Variants in STARD9 observed in about 807,000 individuals in gnomAD.
The protein encoded by STARD9 is StAR related lipid transfer domain containing 9.
Under a neutral mutation model 399.8 loss-of-function variants are expected in STARD9, and 346 were observed. That is an observed-to-expected ratio of 0.87 (90% CI 0.79 to 0.95). The LOEUF is 0.95. Among genes scored for constraint, STARD9 ranks in the 40% least tolerant of loss-of-function variants. The pLI is 0.00. For missense variants in STARD9, 5,832 were observed against 5,667.5 expected, an observed-to-expected ratio of 1.03 and a Z score of -0.93; for synonymous variants, 2,203 against 2,143.5, an observed-to-expected ratio of 1.03 and a Z score of -0.77.
In STARD9 at chr15:42,664,887, C is replaced by G. The variant is rs560229715; in HGVS notation, c.1177-366C>G. Among the ~76,000 whole-genome samples the G allele has an allele frequency of 2.6e-5, 4 of 152,078 alleles. No homozygotes were observed. In the South Asian group the frequency reaches 8.3e-4, roughly 31 times the overall value. On this transcript the variant is annotated intron_variant, in intron 13 of 32. Transcript: ENST00000290607. ...AGGCAGTATAGGCTTAGTCACAATA[C>G]AGGAAGGTTAGTACCTACTACCTAT...
At chr15:42,596,401 G>A (rs1476965302) in intron 3 of STARD9, among the ~76,000 whole-genome samples, 1 of 152,196 alleles carries the variant, frequency 6.6e-6, no homozygotes, top group Non-Finnish European at 1.5e-5. Flanking sequence ...GCTTGAGGAA[G>A]AGAAGTATGA....
At chr15:42,641,499 A>C (rs2059536958) in intron 7 of STARD9, among the ~76,000 whole-genome samples, 1 of 151,086 alleles carries the variant, frequency 6.6e-6, no homozygotes, top group Admixed American at 6.6e-5. Context: ...ATATCTCCTA[A>C]TGCTTTCCCT....
In STARD9 at chr15:42,593,512, G is replaced by A. The variant is rs1595595870; in HGVS notation, c.234+7875G>A. ...TTCTGGAAATCTTTATTTTAAAATG[G>A]TCTGTTATTTAGCTAAAACACTTGT... On this transcript the variant is annotated intron_variant, in intron 3 of 32. Coordinates refer to ENST00000290607, the MANE Select transcript of STARD9 (RefSeq NM_020759.3). Among the ~76,000 whole-genome samples the A allele has an allele frequency of 3.3e-5, 5 of 151,880 alleles. No homozygotes were observed. In the South Asian group the frequency reaches 1.0e-3, roughly 32 times the overall value.
At chr15:42,628,684 A>G (rs868782060) in intron 3 of STARD9, among the ~76,000 whole-genome samples, 1 of 152,076 alleles carries the variant, frequency 6.6e-6, no homozygotes, top group African/African-American at 2.4e-5. Flanking sequence ...TGTTGAAGAG[A>G]CTGTCTTCTC....
chr15:42,663,405 G>A lies in STARD9; in HGVS notation c.993G>A (p.Gln331=). 1 of 1,537,312 alleles carries A rather than the reference G, an allele frequency of 6.5e-7. No individual in the cohort carries two copies. Among genetic ancestry groups the A allele is most frequent in the Non-Finnish European group, 8.7e-7 (1 of 1,146,916 alleles). The stretch of plus-strand genomic sequence containing the variant: ...GTGGAGGGGCACCCTCCCGAAGGCA[G>A]TCTTATATCCCATACCGAGACTCTG... ...TSSGGAPSRR[Q]SYIPYRDSVL... is the part of the protein sequence containing the mutation. Residue 331 remains glutamine, a synonymous_variant, in exon 12 of 33, where the codon CAG becomes CAA. Transcript: ENST00000290607.
At chr15:42,595,663 A>G (rs1047973216) in intron 3 of STARD9, among the ~76,000 whole-genome samples, 11 of 152,208 alleles carry the variant, frequency 7.2e-5, no homozygotes, top group Non-Finnish European at 5.9e-5. Flanking sequence ...GTGGATTCAA[A>G]GCAGCATTTT....
chr15:42,672,365 G>C (rs1022843128), intron 16 of STARD9: 3 of 152,236 alleles, frequency 2.0e-5, no homozygotes, highest in Non-Finnish European at 4.4e-5. Flanking sequence ...TAAAGAGGCA[G>C]GGTGGGCAGT....
intron 3 of STARD9, among the ~76,000 whole-genome samples, chr15:42,601,525 G>A (rs1383253139): frequency 1.0e-4 from 15 of 147,008 alleles, no homozygotes; most frequent in African/African-American, 2.6e-4. Flanking sequence ...GCGGCTGGCC[G>A]GGCGGGGGCT....
In STARD9 at chr15:42,689,766, G is replaced by A; in HGVS notation, c.8188G>A (p.Glu2730Lys). The A allele has an allele frequency of 1.3e-6, 2 of 1,537,636 alleles. No individual in the cohort carries two copies. The highest frequency in any genetic ancestry group is 1.2e-5 in the South Asian group (1 of 84,054). The change falls in exon 23 of 33, where the codon GAG (glutamate) becomes AAG (lysine). Residue 2730 changes from glutamate to lysine, a missense_variant. Physicochemically the swap from Glu to Lys is moderately conservative, Grantham distance 56. Around this residue, in one of 2 missense-constraint regions of STARD9, gnomAD observed 5,828 missense variants for 5,651.1 expected, o/e 1.03. Coordinates refer to ENST00000290607, the MANE Select transcript of STARD9 (RefSeq NM_020759.3). ...CAGTCCTCGTTCTTCAGCACCTGTGGAGGAGGTCAGGAGGGTAGTATCAAA... is the reference window on the plus strand; with the variant it reads ...CAGTCCTCGTTCTTCAGCACCTGTGAAGGAGGTCAGGAGGGTAGTATCAAA... ...PDSPRSSAPV[E>K]EVRRVVSKKV... is the part of the protein sequence containing the mutation.
At chr15:42,676,797 T>C (rs778490632) in intron 20 of STARD9, among the ~76,000 whole-genome samples, 22 of 152,168 alleles carry the variant, frequency 1.4e-4, no homozygotes, top group Non-Finnish European at 2.5e-4. Flanking sequence ...GTTGGGAGGC[T>C]GCCAAACACC....
chr15:42,605,963 A>G (rs1037853876), intron 3 of STARD9, among the ~76,000 whole-genome samples: 2 of 152,238 alleles, frequency 1.3e-5, no homozygotes, highest in African/African-American at 4.8e-5. Context: ...AGAAAATACA[A>G]ACAACTTCCT....
rs1489781293 is a variant in STARD9 at position 42,693,336 on chromosome 15, C to T, written c.11758C>T (p.Leu3920Phe). 5.2e-6 allele frequency: 8 copies of T among 1,537,062 alleles called. No individual in the cohort carries two copies. Among genetic ancestry groups the T allele is most frequent in the African/African-American group, 1.4e-5 (1 of 73,034 alleles). ...EPGLSPGSLT[L>F]SAPSTHPVEG... is the part of the protein sequence containing the mutation. ...GGGTCTTTCCCCAGGCTCTTTGACC[C>T]TCTCAGCCCCTTCAACTCACCCTGT... is the stretch of plus-strand genomic sequence containing the variant. The change falls in exon 23 of 33, where the codon CTC becomes TTC. Residue 3920 changes from leucine (L) to phenylalanine (F), a missense_variant. Around this residue, in one of 2 missense-constraint regions of STARD9, gnomAD observed 5,828 missense variants for 5,651.1 expected, o/e 1.03. Coordinates refer to ENST00000290607, the MANE Select transcript of STARD9 (RefSeq NM_020759.3).
intron 3 of STARD9, among the ~76,000 whole-genome samples, chr15:42,603,453 G>A (rs1024329689): frequency 2.6e-5 from 4 of 152,108 alleles, no homozygotes; most frequent in Admixed American, 6.5e-5. Flanking sequence ...GTGTGGAGGT[G>A]AAGAGGAAAC....
chr15:42,638,688 A>C lies in STARD9; in HGVS notation c.447-12A>C. ...AAATATAATTATGTTGCCTTTTTCT[A>C]CTTAACTCTAGTTTTCTAGAAATCT... On this transcript the variant is annotated splice_polypyrimidine_tract_variant and intron_variant, in intron 6 of 32. Coordinates refer to ENST00000290607, the MANE Select transcript of STARD9 (RefSeq NM_020759.3). 1 of 1,500,932 alleles carries C rather than the reference A, an allele frequency of 6.7e-7. No individual in the cohort carries two copies. The highest frequency in any genetic ancestry group is 8.9e-7 in the Non-Finnish European group (1 of 1,123,834). 93.0% of individuals were successfully genotyped at this position (1,500,932 alleles called of 1,614,324 possible). A position where few individuals can be genotyped will look rare whatever the true frequency, so the allele number is the denominator to read the frequency against.
At chr15:42,594,714 A>T (rs1251816542) in intron 3 of STARD9, among the ~76,000 whole-genome samples, 1 of 152,172 alleles carries the variant, frequency 6.6e-6, no homozygotes, top group Non-Finnish European at 1.5e-5. Flanking sequence ...GTTTATTCTA[A>T]TGGTAGGGGC....
At chr15:42,679,925 T>G (rs2140193412) in intron 20 of STARD9, among the ~76,000 whole-genome samples, 1 of 152,300 alleles carries the variant, frequency 6.6e-6, no homozygotes, top group South Asian at 2.1e-4. Context: ...CCTTACAGCG[T>G]ATGGGTCATA....
chr15:42,591,487 TAAAAA>T (rs58884115), intron 3 of STARD9, among the ~76,000 whole-genome samples: 1 of 136,066 alleles, frequency 7.3e-6, no homozygotes. Context: ...GAGTCCATCT[TAAAAA>T]AAAAAAAAAA....
In STARD9 at chr15:42,684,390, G is replaced by T; in HGVS notation, c.2812G>T (p.Val938Phe). 2 of 1,537,168 alleles carry T rather than the reference G, an allele frequency of 1.3e-6. No individual in the cohort carries two copies. Among genetic ancestry groups the T allele is most frequent in the Non-Finnish European group, 8.7e-7 (1 of 1,146,900 alleles). ...SVGIQEMEMGVKQPHQMVSQG... is the reference protein window; with the variant it reads ...SVGIQEMEMGFKQPHQMVSQG... The stretch of plus-strand genomic sequence containing the variant: ...TGGCATCCAGGAAATGGAGATGGGG[G>T]TTAAGCAGCCCCATCAGATGGTGAG... Residue 938 changes from valine to phenylalanine, a missense_variant, in exon 23 of 33, where the codon GTT becomes TTT. Physicochemically the swap from Val to Phe is conservative, Grantham distance 50 (BLOSUM62 -1). Coordinates refer to ENST00000290607, the MANE Select transcript of STARD9 (RefSeq NM_020759.3).
intron 3 of STARD9, among the ~76,000 whole-genome samples, chr15:42,609,123 C>T (rs1321619193): frequency 1.3e-5 from 2 of 151,902 alleles, no homozygotes; most frequent in Non-Finnish European, 2.9e-5. Flanking sequence ...GATTTTGCTG[C>T]TGAGGATAGT....
Sources: gnomAD v4.1 joint callset for allele counts (sites outside exome capture counted in the v4.1 genomes callset) on GRCh38, gnomAD v4.1.1 for gene constraint, gnomAD v4.1.1 regional missense constraint, MANE v1.5 for transcripts, NCBI Gene and HGNC (gene_info 2026-07-23, HGNC 2026-07-21) for gene names.